The following TSFM variants were observed in gnomAD, a reference collection of about 807,000 sequenced individuals.
TSFM encodes Ts translation elongation factor, mitochondrial, also known as elongation factor Ts, mitochondrial.
TSFM carries 29 observed loss-of-function variants against 33.4 expected under a neutral mutation model. That is an observed-to-expected ratio of 0.87 (90% CI 0.65 to 1.18). The LOEUF is 1.18. Ranked by LOEUF, TSFM falls within the 50% of genes most tolerant of loss-of-function variation. The probability of loss-of-function intolerance (pLI) is 0.00; values close to 1 mark genes in which losing one functional copy is unlikely to be tolerated. For missense variants in TSFM, 394 were observed against 395.6 expected, an observed-to-expected ratio of 1.00 and a Z score of 0.04; for synonymous variants, 178 against 163.5, an observed-to-expected ratio of 1.09 and a Z score of -0.68.
chr12:57,797,989 G>C, downstream of TSFM: 2 of 1,603,810 alleles, frequency 1.2e-6, 1 homozygote. Context: ...TGTTCAGAGA[G>C]GTAATTCTAA....
chr12:57,793,226 TA>T (rs1955687793), intron 5 of TSFM, among the ~76,000 whole-genome samples, 153 bp downstream of exon 5: 1 of 152,044 alleles, frequency 6.6e-6, no homozygotes, highest in Non-Finnish European at 1.5e-5. Flanking sequence ...TAGGGAACAT[TA>T]GGCATCTTTT....
At chr12:57,786,969 C>T in intron 3 of TSFM, 71 bp from the exon 4 acceptor site, 1 of 1,507,494 alleles carries the variant, frequency 6.6e-7, no homozygotes, top group African/African-American at 1.4e-5. Flanking sequence ...TTGATTTATT[C>T]TCCAGCCTTA....
At chr12:57,802,169 G>A (rs1565829567), downstream of TSFM, 5 of 1,613,816 alleles carry the variant, frequency 3.1e-6, no homozygotes, top group African/African-American at 5.3e-5. Context: ...CACTCCAAAT[G>A]TTAGGGTCCC....
chr12:57,795,351 C>T (rs1442361000), intron 5 of TSFM, among the ~76,000 whole-genome samples: 1 of 151,834 alleles, frequency 6.6e-6, no homozygotes, highest in East Asian at 1.9e-4. Context: ...CTGCCTGCCT[C>T]GGCCTTCCAA....
downstream of TSFM, chr12:57,799,942 G>C (rs769165850): frequency 6.6e-5 from 106 of 1,613,552 alleles, no homozygotes; most frequent in Admixed American, 1.7e-3. Flanking sequence ...AAGAATGTAG[G>C]CACAGGGAAA....
At position 57,797,152 on chromosome 12, in the gene TSFM, A is replaced by G. The variant is rs1955752897; in HGVS notation, c.*569A>G. The G allele has an allele frequency of 8.1e-6, 8 of 985,218 alleles. No homozygotes were observed. Among genetic ancestry groups the G allele is most frequent in the Non-Finnish European group, 4.8e-6 (4 of 829,902 alleles). 61.0% of individuals were successfully genotyped at this position (985,218 alleles called of 1,614,324 possible). A position where few individuals can be genotyped will look rare whatever the true frequency, so the allele number is the denominator to read the frequency against. ...AATGAAATTAATAACACATGCCCCTATTTCTCTTTTGGATGATGTGTGGGT... is the reference window on the plus strand; with the variant it reads ...AATGAAATTAATAACACATGCCCCTGTTTCTCTTTTGGATGATGTGTGGGT... On this transcript the variant is annotated 3_prime_UTR_variant, in exon 6 of 6. Coordinates refer to ENST00000652027, the MANE Select transcript of TSFM (RefSeq NM_005726.6).
At chr12:57,791,853 T>G (rs1955666293) in intron 4 of TSFM, 1 of 219,998 alleles carries the variant, frequency 4.5e-6, no homozygotes, top group Admixed American at 5.6e-5. Context: ...GTAGTTTTAT[T>G]AGATACTACA....
At chr12:57,784,143 G>T in intron 2 of TSFM, 1 of 702,374 alleles carries the variant, frequency 1.4e-6, no homozygotes, top group Non-Finnish European at 2.6e-6. Context: ...TTACTGGACT[G>T]AATACTGTAG....
chr12:57,799,868 T>C (rs144854882), downstream of TSFM: 127 of 1,614,160 alleles, frequency 7.9e-5, no homozygotes, highest in Middle Eastern at 4.9e-4. Context: ...TATAGGGTAA[T>C]ATTTTGGCTC....
intron 5 of TSFM, among the ~76,000 whole-genome samples, chr12:57,795,872 T>C (rs575768093): frequency 5.6e-4 from 86 of 152,228 alleles, no homozygotes; most frequent in Non-Finnish European, 8.7e-4. Context: ...CGCTTCAGCC[T>C]CCCAAAGTGC....
downstream of TSFM, chr12:57,799,895 A>AG: frequency 6.2e-7 from 1 of 1,614,206 alleles, no homozygotes; most frequent in Non-Finnish European, 8.5e-7. Flanking sequence ...ATTAGAATTC[A>AG]GGGAGAGGGT....
At chr12:57,783,759 ATTTTATTTTTTATT>A in intron 2 of TSFM, 1 of 572,524 alleles carries the variant, frequency 1.7e-6, no homozygotes, top group South Asian at 2.0e-5. Flanking sequence ...ACACCCGGCT[ATTTTATTTTTTATT>A]TTTTATTTTT....
At chr12:57,794,079 G>T (rs1955699417) in intron 5 of TSFM, among the ~76,000 whole-genome samples, 1 of 152,176 alleles carries the variant, frequency 6.6e-6, no homozygotes, top group Admixed American at 6.5e-5. Flanking sequence ...CAAGGCATCA[G>T]TTCCGTTTTT....
In TSFM at chr12:57,786,991, G is replaced by T. The variant is rs531540043; in HGVS notation, c.361-49G>T. 5.7e-6 allele frequency: 9 copies of T among 1,570,872 alleles called. No individual in the cohort carries two copies. The South Asian group carries it at 1.1e-4, about 19-fold the overall frequency. On this transcript the variant is annotated intron_variant, in intron 3 of 5. Coordinates refer to ENST00000652027, the MANE Select transcript of TSFM (RefSeq NM_005726.6). ...ATTCTCCAGCCTTAAGGCACTTTTG[G>T]AAATTATCATTAAACAGCTTATACA...
At chr12:57,795,245 T>C (rs182789999) in intron 5 of TSFM, among the ~76,000 whole-genome samples, 1 of 151,102 alleles carries the variant, frequency 6.6e-6, no homozygotes, top group Non-Finnish European at 1.5e-5. Flanking sequence ...ATTACAGGCA[T>C]GTGCCACCAT....
intron 5 of TSFM, among the ~76,000 whole-genome samples, chr12:57,793,277 G>C (rs1177925744): frequency 6.6e-6 from 1 of 152,086 alleles, no homozygotes; most frequent in African/African-American, 2.4e-5. Context: ...GCCCAGGCTG[G>C]AGTGCAGTGG....
chr12:57,793,263 TG>T (rs1955688713), intron 5 of TSFM, among the ~76,000 whole-genome samples, 190 bp downstream of exon 5: 1 of 152,290 alleles, frequency 6.6e-6, no homozygotes, highest in African/African-American at 2.4e-5. Flanking sequence ...AGTCTTGCTC[TG>T]TTGCCCAGGC....
intron 4 of TSFM, among the ~76,000 whole-genome samples, chr12:57,788,815 T>A (rs1955623970): frequency 6.6e-6 from 1 of 152,256 alleles, no homozygotes; most frequent in South Asian, 2.1e-4. Context: ...TTAAGTTTTT[T>A]GTAGAGACAG....
At chr12:57,793,102 G>A in intron 5 of TSFM, 29 bp downstream of exon 5, 1 of 1,569,666 alleles carries the variant, frequency 6.4e-7, no homozygotes, top group Non-Finnish European at 8.7e-7. Context: ...TCTGGAAACT[G>A]GAAATTAGGG....
Sources: gnomAD v4.1 joint callset for allele counts (sites outside exome capture counted in the v4.1 genomes callset) on GRCh38, gnomAD v4.1.1 for gene constraint, MANE v1.5 for transcripts, NCBI Gene and HGNC (gene_info 2026-07-23, HGNC 2026-07-21) for gene names.